Variants in MTPN observed in about 807,000 individuals in gnomAD.
The protein encoded by MTPN is myotrophin.
A neutral mutation model predicts 13.5 loss-of-function variants in MTPN; 2 were observed. That is an observed-to-expected ratio of 0.15 (90% CI 0.06 to 0.47). MTPN has a LOEUF of 0.47. Ranked by LOEUF, MTPN falls within the 20% of genes least tolerant of loss-of-function variation. The probability of loss-of-function intolerance (pLI) is 0.97; values close to 1 mark genes in which losing one functional copy is unlikely to be tolerated. For missense variants in MTPN, 79 were observed against 137.9 expected (o/e 0.57, Z 2.14); for synonymous variants, 46 against 51.7 (o/e 0.89, Z 0.48).
intron 1 of MTPN, among the ~76,000 whole-genome samples, chr7:135,960,529 A>T (rs889436800): frequency 1.3e-5 from 2 of 152,038 alleles, no homozygotes; most frequent in African/African-American, 4.8e-5. Context: ...TTTCCCCTTT[A>T]AAGGATAGGT....
intron 3 of MTPN, among the ~76,000 whole-genome samples, chr7:135,941,118 T>G (rs187854572): frequency 6.6e-6 from 1 of 152,352 alleles, no homozygotes; most frequent in African/African-American, 2.4e-5. Context: ...AGAAAATGTT[T>G]GTTGCCCACT....
intron 3 of MTPN, among the ~76,000 whole-genome samples, chr7:135,937,239 A>G (rs1293368851): frequency 6.6e-6 from 1 of 152,204 alleles, no homozygotes; most frequent in Non-Finnish European, 1.5e-5. Context: ...GATGCTGATT[A>G]TAGTTATACT....
At chr7:135,939,573 G>GGGT (rs1799171134) in intron 3 of MTPN, among the ~76,000 whole-genome samples, 1 of 63,664 alleles carries the variant, frequency 1.6e-5, no homozygotes. Context: ...GGGAAAATGG[G>GGGT]GGCGGGGGGG....
chr7:135,975,776 C>T (rs369041434), intron 1 of MTPN, among the ~76,000 whole-genome samples: 4 of 152,130 alleles, frequency 2.6e-5, no homozygotes, highest in African/African-American at 7.2e-5. Context: ...AAGGCAGTGA[C>T]GAGAAGACAG....
At chr7:135,962,004 C>A (rs1159192646) in intron 1 of MTPN, among the ~76,000 whole-genome samples, 1 of 151,946 alleles carries the variant, frequency 6.6e-6, no homozygotes, top group African/African-American at 2.4e-5. Context: ...TCATAATCAT[C>A]TTAGTCTTTG....
At chr7:135,941,180 T>C (rs1290782674) in intron 3 of MTPN, among the ~76,000 whole-genome samples, 1 of 152,228 alleles carries the variant, frequency 6.6e-6, no homozygotes, top group African/African-American at 2.4e-5. Flanking sequence ...ATTTCATAAA[T>C]AGTGTGGCAA....
At chr7:135,946,046 T>A (rs1213874959) in intron 3 of MTPN, among the ~76,000 whole-genome samples, 1 of 152,214 alleles carries the variant, frequency 6.6e-6, no homozygotes, top group Non-Finnish European at 1.5e-5. Context: ...GGTGTCTCTC[T>A]CACAAAGTAT....
At chr7:135,940,879 G>A (rs907252094) in intron 3 of MTPN, among the ~76,000 whole-genome samples, 10 of 152,148 alleles carry the variant, frequency 6.6e-5, no homozygotes, top group African/African-American at 2.4e-4. Flanking sequence ...CAATTCACAA[G>A]TCCATTCTGT....
At chr7:135,940,449 A>G (rs1799191754) in intron 3 of MTPN, among the ~76,000 whole-genome samples, 1 of 152,198 alleles carries the variant, frequency 6.6e-6, no homozygotes, top group Non-Finnish European at 1.5e-5. Flanking sequence ...AACATAATAC[A>G]AAACACAGTG....
At chr7:135,944,929 G>C (rs1489467434) in intron 3 of MTPN, among the ~76,000 whole-genome samples, 1 of 152,084 alleles carries the variant, frequency 6.6e-6, no homozygotes, top group Non-Finnish European at 1.5e-5. Flanking sequence ...GAACATCATA[G>C]AGTGTCCTTA....
At chr7:135,933,961 T>C (rs1392006867) in intron 3 of MTPN, among the ~76,000 whole-genome samples, 1 of 152,112 alleles carries the variant, frequency 6.6e-6, no homozygotes, top group African/African-American at 2.4e-5. Context: ...CTTCACACTC[T>C]CTCCTGCCAC....
intron 1 of MTPN, among the ~76,000 whole-genome samples, chr7:135,958,371 G>T (rs1423218711): frequency 1.2e-4 from 19 of 152,144 alleles, no homozygotes; most frequent in Admixed American, 1.2e-3. Context: ...AGTGCAACCT[G>T]TTGCCTACCA....
chr7:135,977,352 T>G lies in MTPN; in HGVS notation c.-252A>C, dbSNP rs1799797960. 1.8e-6 allele frequency: 1 copy of G among 543,110 alleles called. No individual in the cohort carries two copies. Among genetic ancestry groups the G allele is most frequent in the South Asian group, 2.0e-5 (1 of 49,516 alleles). The allele number at this position is 543,110 out of a possible 1,614,324, so 33.6% of individuals were successfully genotyped here. A position where few individuals can be genotyped will look rare whatever the true frequency, so the allele number is the denominator to read the frequency against. Reference sequence around the variant, plus strand: ...CCTGGCCGAGGAGAGGCAGGAACCTTTACACTTCCGGTTCACTCCCCGCTA... The same window carrying G: ...CCTGGCCGAGGAGAGGCAGGAACCTGTACACTTCCGGTTCACTCCCCGCTA... On this transcript the variant is annotated 5_prime_UTR_variant, in exon 1 of 4. Coordinates refer to ENST00000393085, the MANE Select transcript of MTPN (RefSeq NM_145808.4).
chr7:135,950,221 CAT>C (rs1252229243), intron 3 of MTPN, among the ~76,000 whole-genome samples: 4 of 152,052 alleles, frequency 2.6e-5, no homozygotes, highest in African/African-American at 4.8e-5. Flanking sequence ...GAAAATGAAA[CAT>C]ATACATTTCA....
intron 1 of MTPN, among the ~76,000 whole-genome samples, chr7:135,970,190 T>C (rs1381578441): frequency 6.6e-6 from 1 of 152,196 alleles, no homozygotes; most frequent in African/African-American, 2.4e-5. Flanking sequence ...AATAAATACA[T>C]TTCAATGTGG....
At chr7:135,969,238 T>TAAAAAAAAAAAAAAAAAAAAAA (rs57871609) in intron 1 of MTPN, among the ~76,000 whole-genome samples, 1 of 109,108 alleles carries the variant, frequency 9.2e-6, no homozygotes, top group Non-Finnish European at 1.9e-5. Flanking sequence ...TAAAGTATAA[T>TAAAAAAAAAAAAAAAAAAAAAA]AAAAAAAAAA....
chr7:135,940,008 A>G (rs1321211632), intron 3 of MTPN, among the ~76,000 whole-genome samples: 1 of 152,230 alleles, frequency 6.6e-6, no homozygotes, highest in Non-Finnish European at 1.5e-5. Context: ...TTGTCTAAGT[A>G]TGTACTACTG....
At chr7:135,965,836 A>C (rs1799596223) in intron 1 of MTPN, among the ~76,000 whole-genome samples, 1 of 152,180 alleles carries the variant, frequency 6.6e-6, no homozygotes, top group African/African-American at 2.4e-5. Flanking sequence ...ATCTGTTAAC[A>C]TACAAAGTGG....
At chr7:135,962,500 G>C (rs1274382760) in intron 1 of MTPN, among the ~76,000 whole-genome samples, 1 of 151,948 alleles carries the variant, frequency 6.6e-6, no homozygotes, top group East Asian at 1.9e-4. Flanking sequence ...AACCAAATCT[G>C]TGAAAAACCA....
Sources: allele counts gnomAD v4.1 joint callset (sites outside exome capture counted in the v4.1 genomes callset), GRCh38; gene constraint gnomAD v4.1.1; transcripts MANE v1.5; gene names NCBI Gene and HGNC (gene_info 2026-07-23, HGNC 2026-07-21).